Variants in AP3D1 observed in about 807,000 individuals in gnomAD.
AP3D1 encodes the protein AP-3 complex subunit delta-1.
AP3D1 carries 51 observed loss-of-function variants against 147.6 expected under a neutral mutation model. The observed-to-expected ratio is 0.35, with a 90% CI of 0.28 to 0.44. The LOEUF (loss-of-function observed/expected upper bound fraction) is 0.44. Ranked by LOEUF, AP3D1 falls within the 20% of genes least tolerant of loss-of-function variation. The pLI is 1.00. For missense variants in AP3D1, 1,421 were observed against 1,624.2 expected, an observed-to-expected ratio of 0.87 and a Z score of 2.15; for synonymous variants, 760 against 663.0, an observed-to-expected ratio of 1.15 and a Z score of -2.25.
At chr19:2,113,683 CAT>C (rs1224034778) in intron 22 of AP3D1, among the ~76,000 whole-genome samples, 3 of 152,232 alleles carry the variant, frequency 2.0e-5, no homozygotes, top group African/African-American at 7.2e-5. Context: ...CGTGGCGGCC[CAT>C]ATGTCTTATG....
chr19:2,134,950 G>C (rs143519236), intron 4 of AP3D1, among the ~76,000 whole-genome samples: 1 of 152,178 alleles, frequency 6.6e-6, no homozygotes, highest in East Asian at 2.0e-4. Flanking sequence ...AGTAATCCCA[G>C]CACTTGGTGA....
At chr19:2,124,359 C>G (rs567209088) in intron 9 of AP3D1, among the ~76,000 whole-genome samples, 2 of 152,238 alleles carry the variant, frequency 1.3e-5, no homozygotes, top group Non-Finnish European at 2.9e-5. Context: ...GCCTGGCCTC[C>G]CCAACATCCC....
chr19:2,151,164 G>A (rs1254741573), intron 1 of AP3D1, 75 bp downstream of exon 1: 10 of 1,419,310 alleles, frequency 7.0e-6, no homozygotes, highest in South Asian at 1.2e-5. Context: ...AGGCCGAGCA[G>A]GCCCAGTGAG....
At chr19:2,164,408 C>G (rs1019737501) in exon 1 of AP3D1, 2 of 501,598 alleles carry the variant, frequency 4.0e-6, no homozygotes, top group Non-Finnish European at 6.0e-6. Flanking sequence ...TGCTCCACCC[C>G]CGTTGCTTCC....
At chr19:2,112,008 CGGAG>C in intron 24 of AP3D1, 180 bp from the exon 25 acceptor site, 2 of 993,662 alleles carry the variant, frequency 2.0e-6, no homozygotes, top group Non-Finnish European at 2.9e-6. Context: ...CCAGGCCCAG[CGGAG>C]GCTGGGGCCG....
At chr19:2,161,510 C>CT (rs1244569750) in intron 1 of AP3D1, among the ~76,000 whole-genome samples, 6 of 151,140 alleles carry the variant, frequency 4.0e-5, no homozygotes, top group Admixed American at 2.0e-4. Context: ...GATAAAAGTT[C>CT]TTTTTTTTTC....
At position 2,109,861 on chromosome 19, in the gene AP3D1, C is replaced by T. The variant is rs745997426; in HGVS notation, c.3350+12G>A. On this transcript the variant is annotated intron_variant, in intron 29 of 31. Coordinates refer to ENST00000643116, the MANE Select transcript of AP3D1 (RefSeq NM_001261826.3). ...GGGTTCGGGGACATAGGGGAGTGGG[C>T]CTGGGCCCCACCTGTAGCAGGGAGT... 2 of 1,612,558 alleles carry T rather than the reference C, an allele frequency of 1.2e-6. No homozygotes were observed. The highest frequency in any genetic ancestry group is 4.5e-5 in the East Asian group (2 of 44,870).
intron 31 of AP3D1, among the ~76,000 whole-genome samples, chr19:2,107,707 T>C (rs2018150848): frequency 6.8e-6 from 1 of 146,318 alleles, no homozygotes; most frequent in Admixed American, 6.9e-5. Context: ...ACCACTGCAC[T>C]CCAGCCTGGG....
At chr19:2,122,812 C>G (rs1157523656) in intron 11 of AP3D1, among the ~76,000 whole-genome samples, 2 of 152,178 alleles carry the variant, frequency 1.3e-5, no homozygotes, top group Admixed American at 6.5e-5. Flanking sequence ...TTGCCAACTC[C>G]TGCTCTCAAC....
At chr19:2,121,622 G>T in intron 12 of AP3D1, 112 bp downstream of exon 12, 1 of 1,395,150 alleles carries the variant, frequency 7.2e-7, no homozygotes, top group Non-Finnish European at 9.5e-7. Flanking sequence ...CACACTAACT[G>T]ATGGCCGAGT....
At chr19:2,145,945 C>A (rs1426456092) in intron 1 of AP3D1, among the ~76,000 whole-genome samples, 1 of 152,232 alleles carries the variant, frequency 6.6e-6, no homozygotes, top group South Asian at 2.1e-4. Flanking sequence ...AGCTGCACCC[C>A]CCAAACACCC....
chr19:2,119,186 C>T (rs918678324), intron 14 of AP3D1, among the ~76,000 whole-genome samples: 18 of 152,324 alleles, frequency 1.2e-4, no homozygotes, highest in East Asian at 9.7e-4. Context: ...AGTGGGGCCT[C>T]GGGGTGCGCC....
chr19:2,122,858 C>A (rs2018649282), intron 11 of AP3D1, among the ~76,000 whole-genome samples: 1 of 152,234 alleles, frequency 6.6e-6, no homozygotes, highest in Non-Finnish European at 1.5e-5. Context: ...ATCCAAAACA[C>A]CGCCCAGGTA....
intron 1 of AP3D1, among the ~76,000 whole-genome samples, chr19:2,156,647 G>A (rs1019779989): frequency 3.9e-5 from 6 of 151,934 alleles, no homozygotes; most frequent in Admixed American, 6.6e-5. Context: ...TCAGGAGATC[G>A]AGACCATCCT....
rs1435868315 is a variant in AP3D1 at position 2,138,632 on chromosome 19, C to G, written c.179G>C (p.Cys60Ser). The change falls in exon 2 of 32, where the codon TGC (cysteine) becomes TCC (serine). Residue 60 changes from cysteine to serine, a missense_variant. Coordinates refer to ENST00000643116, the MANE Select transcript of AP3D1 (RefSeq NM_001261826.3). ...GGAGGCACTTACATACGTCAGCTTG[C>G]AGACCGCGTTCGCCTTCACCGCTAT... ...DNIAVKANAVCKLTYLQMLGY... is the reference protein window; with the variant it reads ...DNIAVKANAVSKLTYLQMLGY... 5 of 1,613,840 alleles carry G rather than the reference C, an allele frequency of 3.1e-6. No homozygotes were observed. The highest frequency in any genetic ancestry group is 4.2e-6 in the Non-Finnish European group (5 of 1,179,956).
chr19:2,105,531 TTTAG>T (rs768835867), intron 31 of AP3D1, among the ~76,000 whole-genome samples: 97 of 152,346 alleles, frequency 6.4e-4, no homozygotes, highest in Non-Finnish European at 1.2e-3. Flanking sequence ...AGGGGATACT[TTTAG>T]TTAATTTAAT....
At chr19:2,161,988 A>G (rs1288116107) in intron 1 of AP3D1, among the ~76,000 whole-genome samples, 1 of 151,604 alleles carries the variant, frequency 6.6e-6, no homozygotes, top group South Asian at 2.1e-4. Flanking sequence ...CCTGGGTTAC[A>G]TAGCAGGACC....
chr19:2,124,027 C>A, intron 9 of AP3D1, 148 bp from the exon 10 acceptor site: 2 of 942,984 alleles, frequency 2.1e-6, no homozygotes, highest in Non-Finnish European at 3.3e-6. Flanking sequence ...CCACGCAGCC[C>A]AACTGTGTTT....
At chr19:2,155,925 C>T (rs1293325216), upstream of AP3D1, among the ~76,000 whole-genome samples, 3 of 151,620 alleles carry the variant, frequency 2.0e-5, no homozygotes, top group Admixed American at 6.6e-5. Flanking sequence ...TGGTGGCGGG[C>T]GCCTGTAGTC....
Sources: gnomAD v4.1 joint callset for allele counts (sites outside exome capture counted in the v4.1 genomes callset) on GRCh38, gnomAD v4.1.1 for gene constraint, MANE v1.5 for transcripts, NCBI Gene and HGNC (gene_info 2026-07-23, HGNC 2026-07-21) for gene names.